The following PAH variants were observed in gnomAD, a reference collection of about 807,000 sequenced individuals.
The protein encoded by PAH is phenylalanine hydroxylase.
A neutral mutation model predicts 62.0 loss-of-function variants in PAH; 64 were observed. The ratio of observed to expected loss-of-function variants is 1.03; its 90% CI spans 0.84 to 1.27. The LOEUF (loss-of-function observed/expected upper bound fraction) is 1.27, where lower values mean the gene tolerates loss of function less well. Ranked by LOEUF, PAH falls within the 50% of genes most tolerant of loss-of-function variation. The probability of loss-of-function intolerance (pLI) is 0.00; values close to 1 mark genes in which losing one functional copy is unlikely to be tolerated. For synonymous variants in PAH, 195 were observed against 196.2 expected, an observed-to-expected ratio of 0.99 and a Z score of 0.05; for missense variants, 579 against 542.8, an observed-to-expected ratio of 1.07 and a Z score of -0.66.
In PAH at chr12:102,957,766, AG is replaced by A. The variant is rs1418874446; in HGVS notation, c.-96+428del. 6.5e-6 allele frequency: 1 copy of A among 153,662 alleles called. No homozygotes were observed. Among genetic ancestry groups the A allele is most frequent in the Non-Finnish European group, 1.4e-5 (1 of 69,088 alleles). The allele number at this position is 153,662 out of a possible 1,614,324, so 9.5% of individuals were successfully genotyped here. A position where few individuals can be genotyped will look rare whatever the true frequency, so the allele number is the denominator to read the frequency against. On this transcript the variant is annotated intron_variant, in intron 1 of 4. Transcript: ENST00000551337. This position sits in a 1 kb window ranked among gnomAD's most constrained non-coding sequence, Gnocchi z 4.1. The stretch of plus-strand genomic sequence containing the variant: ...AGTGAAAGAAGGAAATCAGAAAGGA[AG>A]GGAGTTAACAAAATAATAAAAACAG...
chr12:102,939,003 T>C (rs368547340), intron 1 of PAH, among the ~76,000 whole-genome samples: 76 of 152,002 alleles, frequency 5.0e-4, no homozygotes, highest in African/African-American at 1.8e-3. Context: ...GCTCTTGGGT[T>C]GGGGAACGCA....
intron 1 of PAH, among the ~76,000 whole-genome samples, chr12:102,943,865 C>T (rs1038416636): frequency 1.3e-5 from 2 of 152,046 alleles, no homozygotes; most frequent in East Asian, 1.9e-4. Context: ...ACAATAGATA[C>T]TGAGTCCTTC....
intron 1 of PAH, among the ~76,000 whole-genome samples, chr12:102,943,825 C>T (rs1879384193): frequency 6.6e-6 from 1 of 152,000 alleles, no homozygotes; most frequent in Non-Finnish European, 1.5e-5. Context: ...ACCAAATAAA[C>T]ACTGAGTGAA....
At chr12:102,854,525 C>T (rs1196277398) in intron 6 of PAH, among the ~76,000 whole-genome samples, 15 of 152,228 alleles carry the variant, frequency 9.9e-5, no homozygotes, top group Admixed American at 9.8e-4. Flanking sequence ...AGTCCAAATT[C>T]ACTGAATACC....
At chr12:102,850,305 A>G (rs1282399834) in intron 8 of PAH, among the ~76,000 whole-genome samples, 1 of 152,148 alleles carries the variant, frequency 6.6e-6, no homozygotes, top group Non-Finnish European at 1.5e-5. Context: ...CATAAAAGTA[A>G]TTTTCCTTTT....
chr12:102,899,135 A>T (rs1877630379), intron 2 of PAH, among the ~76,000 whole-genome samples: 1 of 152,210 alleles, frequency 6.6e-6, no homozygotes, highest in Non-Finnish European at 1.5e-5. Flanking sequence ...GAATAAAGAG[A>T]ATGGGTAGGT....
intron 3 of PAH, among the ~76,000 whole-genome samples, chr12:102,882,930 A>G (rs1384819560): frequency 6.6e-6 from 1 of 152,052 alleles, no homozygotes; most frequent in Non-Finnish European, 1.5e-5. Flanking sequence ...AATGTTAACC[A>G]TTAATATGAC....
intron 6 of PAH, 164 bp downstream of exon 6, chr12:102,854,972 G>C: frequency 1.4e-6 from 1 of 703,500 alleles, no homozygotes; most frequent in Non-Finnish European, 2.6e-6. Flanking sequence ...AGGGAAGGCA[G>C]AGCACAGTGA....
At chr12:102,867,838 C>CCCT (rs1565854082) in intron 4 of PAH, among the ~76,000 whole-genome samples, 5 of 108,056 alleles carry the variant, frequency 4.6e-5, no homozygotes, top group Non-Finnish European at 9.6e-5. Flanking sequence ...TCTCTCTCCC[C>CCCT]CTCTCTCTCT....
At chr12:102,921,113 G>A (rs1263838483), upstream of PAH, among the ~76,000 whole-genome samples, 1 of 152,122 alleles carries the variant, frequency 6.6e-6, no homozygotes, top group Non-Finnish European at 1.5e-5. Flanking sequence ...CTTTAGAGTG[G>A]CTTGGACCAG....
chr12:102,925,128 G>A (rs998043166), intron 1 of PAH, among the ~76,000 whole-genome samples: 1 of 152,158 alleles, frequency 6.6e-6, no homozygotes, highest in Non-Finnish European at 1.5e-5. Flanking sequence ...GCAGCTGAGT[G>A]TAACTACAGG....
intron 5 of PAH, among the ~76,000 whole-genome samples, chr12:102,863,644 T>G (rs1875827721): frequency 6.6e-6 from 1 of 152,082 alleles, no homozygotes; most frequent in Admixed American, 6.6e-5. Context: ...GGTGCTAGAT[T>G]CCCTCTCCAA....
intron 1 of PAH, among the ~76,000 whole-genome samples, chr12:102,914,868 A>G (rs7970836): frequency 0.37 from 55,884 of 152,006 alleles, 11,204 homozygotes; most frequent in African/African-American, 0.51. Context: ...GTCTGATCTC[A>G]TCTTCTCCAG....
At chr12:102,872,658 A>T (rs1876395357) in intron 4 of PAH, among the ~76,000 whole-genome samples, 1 of 152,230 alleles carries the variant, frequency 6.6e-6, no homozygotes, top group Non-Finnish European at 1.5e-5. Flanking sequence ...CTTGATGCCC[A>T]CACCTTGAAA....
chr12:102,883,309 AAAC>A (rs1876898672), intron 3 of PAH, among the ~76,000 whole-genome samples: 1 of 152,082 alleles, frequency 6.6e-6, no homozygotes, highest in Non-Finnish European at 1.5e-5. Flanking sequence ...CCCACCAGAG[AAAC>A]AACATTCTTC....
intron 3 of PAH, among the ~76,000 whole-genome samples, chr12:102,889,066 T>C (rs1294240268): frequency 6.6e-6 from 1 of 151,980 alleles, no homozygotes; most frequent in Non-Finnish European, 1.5e-5. Context: ...CCAGATGGAT[T>C]CCCTTCCAGC....
At chr12:102,853,580 G>A (rs1875276107) in intron 6 of PAH, among the ~76,000 whole-genome samples, 1 of 152,160 alleles carries the variant, frequency 6.6e-6, no homozygotes, top group African/African-American at 2.4e-5. Flanking sequence ...TCTATGAATT[G>A]GCAGGTAAGT....
intron 5 of PAH, among the ~76,000 whole-genome samples, chr12:102,857,400 A>C (rs1367313965): frequency 1.3e-5 from 2 of 152,220 alleles, no homozygotes; most frequent in East Asian, 1.9e-4. Flanking sequence ...AAACACTCTG[A>C]AGGATACTAT....
At chr12:102,919,177 G>A (rs1457354031), upstream of PAH, among the ~76,000 whole-genome samples, 2 of 152,152 alleles carry the variant, frequency 1.3e-5, no homozygotes, top group South Asian at 2.1e-4. Flanking sequence ...CCAAGGCACT[G>A]CACTGGCTCT....
Sources: gnomAD v4.1 joint callset for allele counts (sites outside exome capture counted in the v4.1 genomes callset) on GRCh38, gnomAD v4.1.1 for gene constraint, Gnocchi (gnomAD v3.1) non-coding constraint, MANE v1.5 for transcripts, NCBI Gene and HGNC (gene_info 2026-07-23, HGNC 2026-07-21) for gene names.